Variants in HNRNPUL2 observed in about 807,000 individuals in gnomAD.
The protein encoded by HNRNPUL2 is heterogeneous nuclear ribonucleoprotein U like 2, also known as heterogeneous nuclear ribonucleoprotein U-like protein 2.
In HNRNPUL2, 27 loss-of-function variants were observed where a neutral mutation model predicts 102.2. That is an observed-to-expected ratio of 0.26 (90% CI 0.19 to 0.36). HNRNPUL2 has a LOEUF of 0.36. Among genes scored for constraint, HNRNPUL2 ranks in the 10% least tolerant of loss-of-function variants. HNRNPUL2 has a pLI of 1.00. For missense variants in HNRNPUL2, 936 were observed against 981.1 expected (o/e 0.95, Z 0.61); for synonymous variants, 458 against 387.2 (o/e 1.18, Z -2.15).
Position 62,720,248 on chromosome 11 carries a change from C to G in HNRNPUL2, c.1612-57G>C, listed in dbSNP as rs1466301469. 30 of 1,552,882 alleles carry G rather than the reference C, an allele frequency of 1.9e-5. 1 individual carries two copies. In the South Asian group the frequency reaches 3.4e-4, roughly 17 times the overall value. ...AAGAAAATTATCACTCAGATTTAAC[C>G]AAAAGAATCAGTATCAGCTGGGCAC... On this transcript the variant is annotated intron_variant, in intron 9 of 13. Transcript: ENST00000301785.
At chr11:62,716,743 C>T (rs1024325730) in intron 11 of HNRNPUL2, among the ~76,000 whole-genome samples, 1 of 152,114 alleles carries the variant, frequency 6.6e-6, no homozygotes, top group Non-Finnish European at 1.5e-5. Context: ...TTCAAAGAAA[C>T]AAATACTTTT....
In HNRNPUL2 at chr11:62,714,912, G is replaced by A. The variant is rs1347718724; in HGVS notation, c.*387C>T. 1.1e-5 allele frequency: 2 copies of A among 184,094 alleles called. No individual in the cohort carries two copies. The highest frequency in any genetic ancestry group is 2.3e-5 in the Non-Finnish European group (2 of 87,446). 11.4% of individuals were successfully genotyped at this position (184,094 alleles called of 1,614,324 possible). On this transcript the variant is annotated 3_prime_UTR_variant, in exon 14 of 14. Coordinates refer to ENST00000301785, the MANE Select transcript of HNRNPUL2 (RefSeq NM_001079559.3). ...CCACCTCATCACTCTCCTTTACTTG[G>A]CTGCCAGTCCAGCTGCCTCAGAATG... is the stretch of plus-strand genomic sequence containing the variant.
chr11:62,720,858 G>C (rs1196176990), intron 9 of HNRNPUL2, among the ~76,000 whole-genome samples: 1 of 77,314 alleles, frequency 1.3e-5, no homozygotes, highest in Non-Finnish European at 2.4e-5. Flanking sequence ...AGCGAGACTC[G>C]GTCTCAAAAA....
At chr11:62,725,258 C>T (rs919460002) in intron 1 of HNRNPUL2, among the ~76,000 whole-genome samples, 1 of 152,170 alleles carries the variant, frequency 6.6e-6, no homozygotes, top group Non-Finnish European at 1.5e-5. Flanking sequence ...AGTGTAGTGG[C>T]GCGATCTCAG....
Position 62,715,614 on chromosome 11 carries a change from A to G in HNRNPUL2, c.2056-7T>C. On this transcript the variant is annotated splice_polypyrimidine_tract_variant and splice_region_variant and intron_variant, in intron 12 of 13. Coordinates refer to ENST00000301785, the MANE Select transcript of HNRNPUL2 (RefSeq NM_001079559.3). ...CATAGAAATTACGGTAACCCTGAGAAAGGAAAAGAAAAAGGAGTGAAGGTT... is the reference window on the plus strand; with the variant it reads ...CATAGAAATTACGGTAACCCTGAGAGAGGAAAAGAAAAAGGAGTGAAGGTT... 2 of 1,604,914 alleles carry G rather than the reference A, an allele frequency of 1.2e-6. No homozygotes were observed.
In HNRNPUL2 at chr11:62,721,919, G is replaced by A. The variant is rs542576000; in HGVS notation, c.1383C>T (p.Pro461=). Residue 461 remains proline (P), a synonymous_variant, in exon 8 of 14, where the codon CCC becomes CCT. Coordinates refer to ENST00000301785, the MANE Select transcript of HNRNPUL2 (RefSeq NM_001079559.3). The part of the protein sequence containing the change: ...ECEVILMVGL[P]GSGKTQWALK... ...GTGCCCACTGGGTCTTTCCAGATCCGGGTAGTCCCACCATCAGAATCACCT... is the reference window on the plus strand; with the variant it reads ...GTGCCCACTGGGTCTTTCCAGATCCAGGTAGTCCCACCATCAGAATCACCT... 41 of 1,614,010 alleles carry A rather than the reference G, an allele frequency of 2.5e-5. No individual in the cohort carries two copies. The highest frequency in any genetic ancestry group is 1.6e-4 in the Middle Eastern group (1 of 6,062).
chr11:62,723,837 A>G, intron 3 of HNRNPUL2, 77 bp downstream of exon 3: 9 of 1,598,080 alleles, frequency 5.6e-6, no homozygotes, highest in Non-Finnish European at 2.6e-6. Flanking sequence ...TAGAATTTAT[A>G]GGCTATGAAG....
chr11:62,722,765 G>C, intron 5 of HNRNPUL2, 48 bp downstream of exon 5: 1 of 1,599,070 alleles, frequency 6.3e-7, no homozygotes, highest in East Asian at 2.2e-5. Flanking sequence ...CATAGAGTAA[G>C]CAATATGGTA....
At chr11:62,715,455 C>T (rs1215144099) in intron 13 of HNRNPUL2, 45 bp downstream of exon 13, 3 of 1,575,826 alleles carry the variant, frequency 1.9e-6, no homozygotes, top group Non-Finnish European at 2.6e-6. Context: ...CATCCTTCTG[C>T]TCCTGCCCCC....
chr11:62,725,979 G>A (rs950249724), intron 1 of HNRNPUL2, among the ~76,000 whole-genome samples: 4 of 152,100 alleles, frequency 2.6e-5, no homozygotes, highest in African/African-American at 4.8e-5. Flanking sequence ...CATAATCCAA[G>A]CAAGATAAAA....
chr11:62,727,053 T>C lies in HNRNPUL2; in HGVS notation c.104A>G (p.Glu35Gly). 7.0e-7 allele frequency: 1 copy of C among 1,418,746 alleles called. No homozygotes were observed. The highest frequency in any genetic ancestry group is 9.2e-7 in the Non-Finnish European group (1 of 1,084,886). 87.9% of individuals were successfully genotyped at this position (1,418,746 alleles called of 1,614,324 possible). The change falls in exon 1 of 14, where the codon GAG becomes GGG. Residue 35 changes from glutamate (E) to glycine (G), a missense_variant. Physicochemically the swap from Glu to Gly is moderately conservative, Grantham distance 98. This residue lies in a region of HNRNPUL2 where 327 missense variants were observed against 268.1 expected (regional missense o/e 1.22). Coordinates refer to ENST00000301785, the MANE Select transcript of HNRNPUL2 (RefSeq NM_001079559.3). ...LKVDLAQRLQEALDAEMLEDE... is the reference protein window; with the variant it reads ...LKVDLAQRLQGALDAEMLEDE... Reference sequence around the variant, plus strand: ...CTCGAGCATCTCGGCGTCCAGCGCCTCCTGCAGCCGCTGCGCCAGATCCAC... The same window carrying C: ...CTCGAGCATCTCGGCGTCCAGCGCCCCCTGCAGCCGCTGCGCCAGATCCAC...
chr11:62,718,334 G>C (rs1018626896), intron 10 of HNRNPUL2, among the ~76,000 whole-genome samples: 1 of 151,978 alleles, frequency 6.6e-6, no homozygotes, highest in Non-Finnish European at 1.5e-5. Flanking sequence ...CAAACATAAC[G>C]TGATACCAGA....
At chr11:62,726,194 T>C (rs530438776) in intron 1 of HNRNPUL2, among the ~76,000 whole-genome samples, 50 of 152,324 alleles carry the variant, frequency 3.3e-4, no homozygotes, top group African/African-American at 1.1e-3. Context: ...ACTTCGATTT[T>C]TGCTTAACAT....
chr11:62,718,769 A>G (rs1404701028), intron 10 of HNRNPUL2, among the ~76,000 whole-genome samples: 1 of 151,866 alleles, frequency 6.6e-6, no homozygotes, highest in Non-Finnish European at 1.5e-5. Flanking sequence ...TACTTAACAA[A>G]TAACTGATTC....
Position 62,713,505 on chromosome 11 carries a change from G to C in HNRNPUL2, c.*1794C>G. ...GACACCGCAGGGAAGCAGGTGCCAA[G>C]AGAAAGGACATGACTATGAGTAAGC... is the stretch of plus-strand genomic sequence containing the variant. On this transcript the variant is annotated 3_prime_UTR_variant, in exon 14 of 14. Coordinates refer to ENST00000301785, the MANE Select transcript of HNRNPUL2 (RefSeq NM_001079559.3). 1 of 152,226 alleles carries C rather than the reference G, an allele frequency of 6.6e-6. No individual in the cohort carries two copies. The highest frequency in any genetic ancestry group is 1.9e-4 in the East Asian group (1 of 5,208). 9.4% of individuals were successfully genotyped at this position (152,226 alleles called of 1,614,324 possible). A position where few individuals can be genotyped will look rare whatever the true frequency, so the allele number is the denominator to read the frequency against.
At chr11:62,716,889 A>G in intron 11 of HNRNPUL2, 100 bp downstream of exon 11, 6 of 1,212,824 alleles carry the variant, frequency 4.9e-6, no homozygotes, top group Non-Finnish European at 7.2e-6. Flanking sequence ...CGTATTGTTA[A>G]TGACCTGACT....
chr11:62,725,624 G>A (rs148037869), intron 1 of HNRNPUL2, among the ~76,000 whole-genome samples: 5 of 152,292 alleles, frequency 3.3e-5, no homozygotes, highest in African/African-American at 1.2e-4. Flanking sequence ...TGTACAATGG[G>A]TTCCGATTAT....
At chr11:62,719,873 T>A (rs1397827732) in intron 10 of HNRNPUL2, 150 bp downstream of exon 10, 1 of 710,920 alleles carries the variant, frequency 1.4e-6, no homozygotes, top group Non-Finnish European at 2.3e-6. Context: ...TGACATGGAA[T>A]GATGCAGCAA....
chr11:62,723,550 T>C, intron 4 of HNRNPUL2, 37 bp downstream of exon 4: 1 of 1,556,504 alleles, frequency 6.4e-7, no homozygotes, highest in Non-Finnish European at 8.7e-7. Context: ...CATCCAGTAA[T>C]AAATGAATGA....
Sources: allele counts gnomAD v4.1 joint callset (sites outside exome capture counted in the v4.1 genomes callset), GRCh38; gene constraint gnomAD v4.1.1; regional missense constraint gnomAD v4.1.1; transcripts MANE v1.5; gene names NCBI Gene and HGNC (gene_info 2026-07-23, HGNC 2026-07-21).